Variants in CSTPP1 observed in about 807,000 individuals in gnomAD.
The protein encoded by CSTPP1 is centriolar satellite-associated tubulin polyglutamylase complex regulator 1, also known as UPF0705 protein C11orf49.
the CSTPP1 span, among the ~76,000 whole-genome samples, chr11:47,109,557 C>G: frequency 6.6e-6 from 1 of 152,166 alleles, no homozygotes; most frequent in Non-Finnish European, 1.5e-5. Flanking sequence ...CTGCTGGTTG[C>G]TGCCAGACAC....
the CSTPP1 span, among the ~76,000 whole-genome samples, chr11:47,098,927 A>G: frequency 6.6e-6 from 1 of 152,250 alleles, no homozygotes; most frequent in East Asian, 1.9e-4. Context: ...CCTGTTACTT[A>G]ACTCCCTAAT....
the CSTPP1 span, among the ~76,000 whole-genome samples, chr11:47,124,781 C>T: frequency 3.3e-5 from 5 of 152,136 alleles, no homozygotes; most frequent in Non-Finnish European, 5.9e-5. Flanking sequence ...CATCCTGATG[C>T]CACTGGATAT....
the CSTPP1 span, among the ~76,000 whole-genome samples, chr11:47,143,181 G>T: frequency 6.6e-6 from 1 of 152,190 alleles, no homozygotes; most frequent in South Asian, 2.1e-4. Context: ...TAGAAAAATT[G>T]TATGTATCCC....
the CSTPP1 span, among the ~76,000 whole-genome samples, chr11:47,011,919 A>G: frequency 6.6e-6 from 1 of 152,194 alleles, no homozygotes. Flanking sequence ...CACCCTAGAC[A>G]TGTAATAAAT....
chr11:47,130,309 A>G, the CSTPP1 span, among the ~76,000 whole-genome samples: 1 of 152,106 alleles, frequency 6.6e-6, no homozygotes, highest in East Asian at 1.9e-4. Flanking sequence ...CCATTGGAAC[A>G]CACTGAAGAT....
the CSTPP1 span, among the ~76,000 whole-genome samples, chr11:47,023,583 A>G: frequency 6.6e-6 from 1 of 152,170 alleles, no homozygotes; most frequent in Non-Finnish European, 1.5e-5. Context: ...CTCTGTACTC[A>G]CTAAATACTG....
chr11:47,161,240 C>A, the CSTPP1 span: 7 of 1,613,578 alleles, frequency 4.3e-6, no homozygotes, highest in East Asian at 2.2e-5. Flanking sequence ...CCAGACGGGT[C>A]GGACACGGCT....
chr11:47,095,503 T>C, the CSTPP1 span, among the ~76,000 whole-genome samples: 1 of 152,318 alleles, frequency 6.6e-6, no homozygotes, highest in African/African-American at 2.4e-5. Flanking sequence ...TTAAAAGCAG[T>C]CCTGCCAGGG....
the CSTPP1 span, among the ~76,000 whole-genome samples, chr11:47,126,279 A>G: frequency 6.6e-6 from 1 of 152,136 alleles, no homozygotes; most frequent in Non-Finnish European, 1.5e-5. Context: ...CCTAGGACAA[A>G]AAGTGATAGA....
the CSTPP1 span, among the ~76,000 whole-genome samples, chr11:47,047,142 C>T: frequency 2.0e-5 from 3 of 152,112 alleles, no homozygotes; most frequent in Non-Finnish European, 2.9e-5. Flanking sequence ...CTCAGGTGAT[C>T]TGCCCGCGTC....
chr11:46,959,897 TTCTC>T, the CSTPP1 span, among the ~76,000 whole-genome samples: 1 of 151,066 alleles, frequency 6.6e-6, no homozygotes, highest in Non-Finnish European at 1.5e-5. Context: ...GATGGAGTCT[TTCTC>T]TGTAACCCAG....
the CSTPP1 span, among the ~76,000 whole-genome samples, chr11:47,046,476 G>A: frequency 6.6e-6 from 1 of 151,812 alleles, no homozygotes; most frequent in African/African-American, 2.4e-5. Context: ...TAACTGAGGA[G>A]GTGAAAGACT....
the CSTPP1 span, among the ~76,000 whole-genome samples, chr11:47,039,374 G>GC: frequency 7.8e-6 from 1 of 127,572 alleles, no homozygotes; most frequent in African/African-American, 2.5e-5. Flanking sequence ...GTGGCGGCGC[G>GC]CGCCCAGGCA....
chr11:47,002,292 C>A, the CSTPP1 span, among the ~76,000 whole-genome samples: 5 of 152,152 alleles, frequency 3.3e-5, no homozygotes, highest in South Asian at 2.1e-4. Context: ...ATAGAGGATT[C>A]TTTCTGGCTC....
chr11:47,022,027 CAT>C, the CSTPP1 span, among the ~76,000 whole-genome samples: 3 of 150,658 alleles, frequency 2.0e-5, no homozygotes, highest in Non-Finnish European at 3.0e-5. Flanking sequence ...CTCTCAGCCA[CAT>C]ATATGGTTTT....
the CSTPP1 span, among the ~76,000 whole-genome samples, chr11:47,014,896 A>G: frequency 6.6e-6 from 1 of 152,140 alleles, no homozygotes; most frequent in Admixed American, 6.6e-5. Flanking sequence ...AGATACCAGA[A>G]AAACAGTAGA....
chr11:46,943,438 A>G, the CSTPP1 span, among the ~76,000 whole-genome samples: 2 of 152,210 alleles, frequency 1.3e-5, no homozygotes, highest in African/African-American at 4.8e-5. Context: ...GGCTCCAACT[A>G]TTGTGTAGAC....
At chr11:47,039,064 A>G in the CSTPP1 span, among the ~76,000 whole-genome samples, 2 of 117,854 alleles carry the variant, frequency 1.7e-5, no homozygotes, top group Admixed American at 9.1e-5. Context: ...CAGACTGGGC[A>G]GCCAGGCAGA....
chr11:47,111,586 T>C, the CSTPP1 span, among the ~76,000 whole-genome samples: 121 of 152,290 alleles, frequency 7.9e-4, no homozygotes, highest in African/African-American at 2.2e-3. Context: ...CCCTGTCTTT[T>C]ATTGATGCTA....
Sources: allele counts gnomAD v4.1 joint callset (sites outside exome capture counted in the v4.1 genomes callset), GRCh38; gene constraint gnomAD v4.1.1; transcripts MANE v1.5; gene names NCBI Gene and HGNC (gene_info 2026-07-23, HGNC 2026-07-21).